Variants in COL4A4 observed in about 807,000 individuals in gnomAD.
The protein encoded by COL4A4 is collagen type IV alpha 4 chain.
A neutral mutation model predicts 192.9 loss-of-function variants in COL4A4; 105 were observed. The ratio of observed to expected loss-of-function variants is 0.54; its 90% CI spans 0.46 to 0.64. The LOEUF (loss-of-function observed/expected upper bound fraction) is 0.64. Among genes scored for constraint, COL4A4 ranks in the 30% least tolerant of loss-of-function variants. The pLI is 0.00. For synonymous variants in COL4A4, 762 were observed against 769.9 expected (o/e 0.99, Z 0.17); for missense variants, 1,967 against 2,169.3 (o/e 0.91, Z 1.85).
At chr2:227,161,933 T>C (rs973902444) in intron 1 of COL4A4, among the ~76,000 whole-genome samples, 5 of 148,226 alleles carry the variant, frequency 3.4e-5, no homozygotes, top group African/African-American at 1.2e-4. Context: ...TTTTCCTTTG[T>C]ACAAAAAAAA....
chr2:227,108,758 A>G, intron 11 of COL4A4, 75 bp downstream of exon 11: 1 of 1,533,972 alleles, frequency 6.5e-7, no homozygotes, highest in East Asian at 2.3e-5. Context: ...GAAAGCCATC[A>G]TTCTGACAAA....
At chr2:227,048,035 C>T (rs1055323394) in intron 34 of COL4A4, among the ~76,000 whole-genome samples, 1 of 152,134 alleles carries the variant, frequency 6.6e-6, no homozygotes, top group African/African-American at 2.4e-5. Flanking sequence ...AGAGATGGCA[C>T]ATTCAAAAGC....
chr2:227,080,465 T>C lies in COL4A4; in HGVS notation c.1781A>G (p.Glu594Gly), dbSNP rs35998949. The change falls in exon 24 of 48, where the codon GAA (glutamate) becomes GGA (glycine). Residue 594 changes from glutamate (E) to glycine (G), a missense_variant. Coordinates refer to ENST00000396625, the MANE Select transcript of COL4A4 (RefSeq NM_000092.5). ...GSHGRDGHAG[E>G]KGDPGPPGDH... ...TACTGGAGGTCCTGGATCCCCTTTT[T>C]CTCCAGCATGTCCATCCCGACCATG... 3.9e-3 allele frequency: 6,330 copies of C among 1,614,088 alleles called. 231 individuals carry two copies. The African/African-American group carries it at 0.073, about 19-fold the overall frequency.
intron 12 of COL4A4, 119 bp from the exon 13 acceptor site, chr2:227,104,171 T>C (rs1239801930): frequency 1.2e-6 from 1 of 830,354 alleles, no homozygotes; most frequent in Non-Finnish European, 2.1e-6. Context: ...AAATACAAGT[T>C]GTGGCAAGTA....
intron 4 of COL4A4, among the ~76,000 whole-genome samples, chr2:227,139,364 C>A (rs2063041354): frequency 6.6e-6 from 1 of 152,234 alleles, no homozygotes; most frequent in South Asian, 2.1e-4. Flanking sequence ...ACACTCCTTT[C>A]TTGTGAGATT....
intron 19 of COL4A4, among the ~76,000 whole-genome samples, chr2:227,094,655 A>G (rs529312786): frequency 6.6e-6 from 1 of 152,216 alleles, no homozygotes; most frequent in East Asian, 1.9e-4. Context: ...TAACAATACT[A>G]TATCTTATAT....
At chr2:227,136,654 G>A (rs536257600) in intron 4 of COL4A4, among the ~76,000 whole-genome samples, 2 of 152,110 alleles carry the variant, frequency 1.3e-5, no homozygotes, top group East Asian at 1.9e-4. Flanking sequence ...GTTAAATTGC[G>A]AACCATGGCC....
chr2:227,024,931 C>T (rs1966724815), intron 43 of COL4A4, among the ~76,000 whole-genome samples: 1 of 152,190 alleles, frequency 6.6e-6, no homozygotes, highest in Non-Finnish European at 1.5e-5. Flanking sequence ...TTTTGATGCT[C>T]TCTTGAAATG....
intron 19 of COL4A4, among the ~76,000 whole-genome samples, chr2:227,094,787 T>C (rs1160565982): frequency 2.0e-5 from 3 of 152,206 alleles, no homozygotes; most frequent in Non-Finnish European, 4.4e-5. Context: ...GTACAATGTA[T>C]ACATATATCA....
At chr2:227,025,409 G>A (rs1028901102) in intron 43 of COL4A4, among the ~76,000 whole-genome samples, 5 of 152,118 alleles carry the variant, frequency 3.3e-5, no homozygotes, top group South Asian at 2.1e-4. Flanking sequence ...TGGGAGGTGA[G>A]GCCCCATTTT....
intron 44 of COL4A4, 126 bp from the exon 45 acceptor site, chr2:227,012,423 C>T (rs1194564587): frequency 2.7e-6 from 2 of 747,610 alleles, no homozygotes; most frequent in Non-Finnish European, 4.7e-6. Context: ...CTGAATGCAT[C>T]AGCTCATTTA....
chr2:227,137,942 AC>A (rs1170377330), intron 4 of COL4A4, among the ~76,000 whole-genome samples: 1 of 152,102 alleles, frequency 6.6e-6, no homozygotes, highest in Non-Finnish European at 1.5e-5. Flanking sequence ...GCACATTTAC[AC>A]AAAAAAGCTA....
At position 227,008,394 on chromosome 2, in the gene COL4A4, A is replaced by G. The variant is rs1291399636; in HGVS notation, c.4523-90T>C. 7.3e-5 allele frequency: 104 copies of G among 1,434,210 alleles called. 1 individual carries two copies. In the Middle Eastern group the frequency reaches 1.3e-3, roughly 18 times the overall value. The allele number at this position is 1,434,210 out of a possible 1,614,324, so 88.8% of individuals were successfully genotyped here. On this transcript the variant is annotated intron_variant, in intron 46 of 47. Transcript: ENST00000396625. ...CTTCCTCCATCTGGCCTTTGCAGAT[A>G]CGTGTTCTGAAATCTGGAGGCCCTC... is the stretch of plus-strand genomic sequence containing the variant.
At chr2:227,159,421 T>C (rs938596697) in intron 1 of COL4A4, among the ~76,000 whole-genome samples, 3 of 152,238 alleles carry the variant, frequency 2.0e-5, no homozygotes, top group Non-Finnish European at 4.4e-5. Flanking sequence ...GGTGGATGCA[T>C]CGGCAAAACT....
In COL4A4 at chr2:227,103,083, A is replaced by G. The variant is rs2060614560; in HGVS notation, c.870+61T>C. ...AATGATAAAGACCATGAGAAATAAC[A>G]TTTTAAGTTAAGATAGTACATCACA... On this transcript the variant is annotated intron_variant, in intron 14 of 47. Coordinates refer to ENST00000396625, the MANE Select transcript of COL4A4 (RefSeq NM_000092.5). 3.5e-6 allele frequency: 5 copies of G among 1,438,332 alleles called. No homozygotes were observed. In the East Asian group the frequency reaches 1.1e-4, roughly 33 times the overall value. 89.1% of individuals were successfully genotyped at this position (1,438,332 alleles called of 1,614,324 possible). A position where few individuals can be genotyped will look rare whatever the true frequency, so the allele number is the denominator to read the frequency against.
chr2:226,983,520 G>C, the COL4A4 span, among the ~76,000 whole-genome samples: 1 of 152,172 alleles, frequency 6.6e-6, no homozygotes, highest in Admixed American at 6.5e-5. Flanking sequence ...TGCAGTAGTT[G>C]TCCAGGGTGA....
intron 20 of COL4A4, among the ~76,000 whole-genome samples, chr2:227,093,473 C>A (rs1011650559): frequency 6.6e-6 from 1 of 152,038 alleles, no homozygotes; most frequent in Non-Finnish European, 1.5e-5. Flanking sequence ...GATGTCTTTT[C>A]AGACTTTGGC....
chr2:227,064,715 G>C (rs893354152), intron 25 of COL4A4, among the ~76,000 whole-genome samples: 3 of 152,178 alleles, frequency 2.0e-5, no homozygotes, highest in Admixed American at 6.5e-5. Flanking sequence ...AGCCAAAAGG[G>C]ATTGGCATCC....
chr2:227,089,631 A>ATATATATATAT (rs1467265444), intron 21 of COL4A4, among the ~76,000 whole-genome samples: 1 of 144,174 alleles, frequency 6.9e-6, no homozygotes, highest in Non-Finnish European at 1.5e-5. Flanking sequence ...ATAAATATAT[A>ATATATATATAT]AGACACAAGG....
Sources: gnomAD v4.1 joint callset for allele counts (sites outside exome capture counted in the v4.1 genomes callset) on GRCh38, gnomAD v4.1.1 for gene constraint, MANE v1.5 for transcripts, NCBI Gene and HGNC (gene_info 2026-07-23, HGNC 2026-07-21) for gene names.